The following HUWE1 variants were observed in gnomAD, a reference collection of about 807,000 sequenced individuals.
HUWE1 encodes E3 ubiquitin-protein ligase HUWE1.
Under a neutral mutation model 299.4 loss-of-function variants are expected in HUWE1, and 18 were observed. The ratio of observed to expected loss-of-function variants is 0.06; its 90% CI spans 0.04 to 0.09. HUWE1 has a LOEUF of 0.09. Among genes scored for constraint, HUWE1 ranks in the 10% least tolerant of loss-of-function variants. HUWE1 has a pLI of 1.00. For synonymous variants in HUWE1, 1,317 were observed against 1,286.1 expected (o/e 1.02, Z -0.51); for missense variants, 1,832 against 3,462.3 (o/e 0.53, Z 11.82).
chrX:53,639,909 T>C (rs2067466361), intron 7 of HUWE1, among the ~76,000 whole-genome samples: 1 of 112,449 alleles, frequency 8.9e-6, no homozygotes, highest in South Asian at 3.7e-4. Context: ...TAACCCCCAA[T>C]TTACAGACAC....
In HUWE1 at chrX:53,539,779, T is replaced by G. The variant is rs782566399; in HGVS notation, c.11510A>C (p.Lys3837Thr). The G allele has an allele frequency of 9.1e-6, 11 of 1,208,780 alleles. No homozygotes were observed. Among genetic ancestry groups the G allele is most frequent in the Non-Finnish European group, 1.2e-5 (11 of 894,178 alleles). Residue 3837 changes from lysine to threonine, a missense_variant, in exon 75 of 84, where the codon AAG becomes ACG. Physicochemically the swap from Lys to Thr is moderately conservative, Grantham distance 78. Around this residue, in one of 15 missense-constraint regions of HUWE1, gnomAD observed 27 missense variants for 21.1 expected, o/e 1.28. Coordinates refer to ENST00000262854, the MANE Select transcript of HUWE1 (RefSeq NM_031407.7). Reference protein sequence around the residue: ...SDGTPQGEKEKEERPPELPLL... With the variant: ...SDGTPQGEKETEERPPELPLL... ...GGGTAACTCAGGTGGTCTTTCTTCC[T>G]TTTCCTTCTCCCCCTGTGGGGTTCC... is the stretch of plus-strand genomic sequence containing the variant.
chrX:53,592,357 G>C (rs782204009), intron 33 of HUWE1, 41 bp downstream of exon 33: 5 of 996,719 alleles, frequency 5.0e-6, no homozygotes, highest in African/African-American at 1.9e-5. Flanking sequence ...ACTCCATTGG[G>C]TGCAAAGTCT....
Position 53,538,467 on chromosome X carries a change from G to A in HUWE1, c.11879-13C>T. ...GTGCGGTGAGTCTCTGAGGGGAGAA[G>A]TGACAGCAGGAATTAAGCACATCAT... On this transcript the variant is annotated splice_polypyrimidine_tract_variant and intron_variant, in intron 76 of 83. Coordinates refer to ENST00000262854, the MANE Select transcript of HUWE1 (RefSeq NM_031407.7). The A allele has an allele frequency of 9.1e-7, 1 of 1,102,419 alleles. No individual in the cohort carries two copies. Among genetic ancestry groups the A allele is most frequent in the Non-Finnish European group, 1.3e-6 (1 of 796,234 alleles). 90.9% of individuals were successfully genotyped at this position (1,102,419 alleles called of 1,213,427 possible).
chrX:53,594,199 T>C (rs782327293), intron 31 of HUWE1, among the ~76,000 whole-genome samples: 3 of 112,041 alleles, frequency 2.7e-5, no homozygotes, highest in East Asian at 2.8e-4. Flanking sequence ...AAAAATTATA[T>C]TCAGAGAAAC....
chrX:53,594,637 A>G lies in HUWE1; in HGVS notation c.3381-16T>C. 1 of 1,207,503 alleles carries G rather than the reference A, an allele frequency of 8.3e-7. No individual in the cohort carries two copies. Among genetic ancestry groups the G allele is most frequent in the South Asian group, 1.8e-5 (1 of 56,566 alleles). On this transcript the variant is annotated splice_polypyrimidine_tract_variant and intron_variant, in intron 30 of 83. Coordinates refer to ENST00000262854, the MANE Select transcript of HUWE1 (RefSeq NM_031407.7). ...GAATGTCAGCCTGAAAGTGGAAAAA[A>G]AGGCAAAACTTTAACCTTCTGTAAA... is the stretch of plus-strand genomic sequence containing the variant.
intron 47 of HUWE1, 106 bp from the exon 48 acceptor site, chrX:53,569,933 A>G (rs782114569): frequency 3.1e-5 from 21 of 673,103 alleles, no homozygotes; most frequent in Non-Finnish European, 4.9e-5. Flanking sequence ...AAGTCACCCA[A>G]TGAGTGATTA....
chrX:53,567,375 T>C lies in HUWE1; in HGVS notation c.6707+1317A>G, dbSNP rs782785453. ...TTGAAGGGGCCACATAGGTCAAAGGTGTAATAATTTTGAGCATGAAAAAGT... is the reference window on the plus strand; with the variant it reads ...TTGAAGGGGCCACATAGGTCAAAGGCGTAATAATTTTGAGCATGAAAAAGT... On this transcript the variant is annotated intron_variant, in intron 49 of 83. Transcript: ENST00000262854. 0.039 allele frequency among the ~76,000 whole-genome samples: 6 copies of C among 153 alleles called. No homozygotes were observed. The South Asian group carries it at 0.71, about 18-fold the overall frequency. The allele number at this position is 153 out of a possible 115,157, so 0.1% of individuals were successfully genotyped here. A position where few individuals can be genotyped will look rare whatever the true frequency, so the allele number is the denominator to read the frequency against.
intron 31 of HUWE1, among the ~76,000 whole-genome samples, chrX:53,593,841 G>A (rs2064295863): frequency 8.9e-6 from 1 of 112,257 alleles, no homozygotes; most frequent in South Asian, 3.7e-4. Flanking sequence ...GCTCACGCCT[G>A]TAATCCCAGC....
intron 34 of HUWE1, 126 bp from the exon 35 acceptor site, chrX:53,590,625 A>G (rs1411597399): frequency 2.9e-5 from 16 of 550,371 alleles, no homozygotes; most frequent in Non-Finnish European, 4.7e-5. Context: ...AGGGCCTCAA[A>G]ATGCTGCTCT....
chrX:53,610,600 A>G (rs1263246442), intron 23 of HUWE1, among the ~76,000 whole-genome samples: 3 of 111,616 alleles, frequency 2.7e-5, no homozygotes, highest in Non-Finnish European at 5.7e-5. Flanking sequence ...GCCCCCATCA[A>G]AAGTAAAGGA....
chrX:53,658,829 T>C (rs2068868047), intron 3 of HUWE1, among the ~76,000 whole-genome samples: 1 of 112,526 alleles, frequency 8.9e-6, no homozygotes, highest in Non-Finnish European at 1.9e-5. Flanking sequence ...AAAGGACTGT[T>C]ACCCAAGATA....
chrX:53,602,854 CTTTTTTTTTTT>C (rs781982959), intron 27 of HUWE1, among the ~76,000 whole-genome samples, 196 bp from the exon 28 acceptor site: 5 of 96,813 alleles, frequency 5.2e-5, no homozygotes, highest in African/African-American at 1.5e-4. Context: ...TTTTTTTTTT[CTTTTTTTTTTT>C]TTGGAGACCC....
In HUWE1 at chrX:53,589,684, T is replaced by C; in HGVS notation, c.4324A>G (p.Thr1442Ala). 4 of 1,211,755 alleles carry C rather than the reference T, an allele frequency of 3.3e-6. No individual in the cohort carries two copies. Among genetic ancestry groups the C allele is most frequent in the Middle Eastern group, 4.6e-4 (2 of 4,356 alleles). ...EQDELHTFTD[T>A]MLPGCFHLLD... ...AGGTGGAAGCAGCCTGGCAACATAG[T>C]ATCTGTGAAAGTGTGGAGCTCATCT... Residue 1442 changes from threonine to alanine, a missense_variant, in exon 36 of 84, where the codon ACT becomes GCT. By Grantham distance (58) the Thr-to-Ala change is moderately conservative. Transcript: ENST00000262854.
Position 53,611,188 on chromosome X carries a change from T to TAA in HUWE1, c.2262-2281_2262-2280dup, listed in dbSNP as rs1204862205. Among the ~76,000 whole-genome samples, 492 of 60,754 alleles carry TAA rather than the reference T, an allele frequency of 8.1e-3. 2 individuals are homozygous for TAA. The highest frequency in any genetic ancestry group is 0.023 in the African/African-American group (354 of 15,458). The allele number at this position is 60,754 out of a possible 115,157, so 52.8% of individuals were successfully genotyped here. A position where few individuals can be genotyped will look rare whatever the true frequency, so the allele number is the denominator to read the frequency against. ...TTGCAAATACTAGCTGCTGATTTTG[T>TAA]AAAAAAAAAAAAAAAAAAAAAGAAA... On this transcript the variant is annotated intron_variant, in intron 23 of 83. Coordinates refer to ENST00000262854, the MANE Select transcript of HUWE1 (RefSeq NM_031407.7).
At chrX:53,619,238 T>C (rs1376252042) in intron 19 of HUWE1, among the ~76,000 whole-genome samples, 2 of 111,579 alleles carry the variant, frequency 1.8e-5, no homozygotes, top group African/African-American at 3.3e-5. Flanking sequence ...TATAAACTTC[T>C]GAAAAATTTA....
intron 11 of HUWE1, 62 bp downstream of exon 11, chrX:53,631,352 C>A: frequency 1.1e-6 from 1 of 884,406 alleles, no homozygotes; most frequent in Non-Finnish European, 1.7e-6. Flanking sequence ...CACCCCAGTA[C>A]ATATCATTAA....
At position 53,573,802 on chromosome X, in the gene HUWE1, G is replaced by A; in HGVS notation, c.6260C>T (p.Thr2087Ile). The A allele has an allele frequency of 8.3e-7, 1 of 1,211,102 alleles. No individual in the cohort carries two copies. The highest frequency in any genetic ancestry group is 1.1e-6 in the Non-Finnish European group (1 of 894,685). The part of the protein sequence containing the change: ...ELVRSYVGIA[T>I]LIANYSYTVG... ...AGTGTAGCTGTAGTTGGCAATCAGG[G>A]TAGCAATACCAACATAGGACCTCAC... Residue 2087 changes from threonine (T) to isoleucine (I), a missense_variant, in exon 47 of 84, where the codon ACC becomes ATC. By Grantham distance (89) the Thr-to-Ile change is moderately conservative. Around this residue, in one of 15 missense-constraint regions of HUWE1, gnomAD observed 157 missense variants for 252.3 expected, o/e 0.62. Transcript: ENST00000262854.
intron 26 of HUWE1, 84 bp downstream of exon 26, chrX:53,604,505 C>CA: frequency 9.2e-7 from 1 of 1,081,186 alleles, no homozygotes; most frequent in Non-Finnish European, 1.3e-6. Context: ...GACCTCCTTT[C>CA]AAGCATAGTA....
At chrX:53,626,233 G>A (rs1298736661) in intron 17 of HUWE1, among the ~76,000 whole-genome samples, 1 of 108,857 alleles carries the variant, frequency 9.2e-6, no homozygotes. Flanking sequence ...GTGTGTGTGT[G>A]TGTGTGTGTG....
Sources: gnomAD v4.1 joint callset for allele counts (sites outside exome capture counted in the v4.1 genomes callset) on GRCh38, gnomAD v4.1.1 for gene constraint, gnomAD v4.1.1 regional missense constraint, MANE v1.5 for transcripts, NCBI Gene and HGNC (gene_info 2026-07-23, HGNC 2026-07-21) for gene names.